FAM117B: variants seen among roughly 807,000 people sequenced by gnomAD.
FAM117B encodes the protein protein FAM117B.
FAM117B carries 22 observed loss-of-function variants against 52.8 expected under a neutral mutation model. The observed-to-expected ratio is 0.42, with a 90% CI of 0.30 to 0.59. FAM117B has a LOEUF of 0.59. FAM117B is among the 20% of genes least tolerant of loss of function. The pLI, the probability that FAM117B is intolerant of heterozygous loss-of-function variation, is 0.22. For missense variants in FAM117B, 678 were observed against 802.6 expected (o/e 0.84, Z 1.88); for synonymous variants, 309 against 324.1 (o/e 0.95, Z 0.50).
intron 4 of FAM117B, among the ~76,000 whole-genome samples, chr2:202,745,184 G>A (rs1217912439): frequency 6.7e-6 from 1 of 150,334 alleles, no homozygotes; most frequent in African/African-American, 2.5e-5. Flanking sequence ...GGTGGCTGAG[G>A]CATGAGAATC....
intron 3 of FAM117B, 69 bp from the exon 4 acceptor site, chr2:202,726,181 T>A: frequency 9.8e-7 from 1 of 1,015,842 alleles, no homozygotes; most frequent in Non-Finnish European, 1.5e-6. Flanking sequence ...CTGGTTCTTA[T>A]TAAGCAAGGA....
intron 2 of FAM117B, among the ~76,000 whole-genome samples, chr2:202,705,310 G>T (rs545596220): frequency 1.3e-3 from 175 of 138,932 alleles, no homozygotes; most frequent in Non-Finnish European, 2.1e-3. Flanking sequence ...TCATCTCAAA[G>T]AAAAAAAAAA....
chr2:202,680,697 T>G (rs965136622), intron 1 of FAM117B, among the ~76,000 whole-genome samples: 3 of 152,216 alleles, frequency 2.0e-5, no homozygotes, highest in African/African-American at 7.2e-5. Context: ...AATTTGGCAT[T>G]GTTAAAGTGC....
chr2:202,638,734 C>T (rs572629562), intron 1 of FAM117B, among the ~76,000 whole-genome samples: 6 of 152,190 alleles, frequency 3.9e-5, no homozygotes, highest in East Asian at 1.9e-4. Context: ...TTTGGGAGGC[C>T]GAGGCGGTGG....
intron 4 of FAM117B, among the ~76,000 whole-genome samples, chr2:202,734,303 C>G (rs1691406014): frequency 6.6e-6 from 1 of 152,158 alleles, no homozygotes; most frequent in East Asian, 1.9e-4. Context: ...GGGGGGATTA[C>G]TTGAGCCCAG....
chr2:202,649,913 G>A (rs2105755930), intron 1 of FAM117B, among the ~76,000 whole-genome samples: 1 of 152,210 alleles, frequency 6.6e-6, no homozygotes, highest in South Asian at 2.1e-4. Flanking sequence ...TGTTGCCCAG[G>A]CTGGAGTGCA....
chr2:202,687,678 TG>T (rs1690565761), intron 1 of FAM117B, among the ~76,000 whole-genome samples: 1 of 152,194 alleles, frequency 6.6e-6, no homozygotes, highest in Non-Finnish European at 1.5e-5. Flanking sequence ...CCCATAGCAT[TG>T]GGATTACAGG....
intron 1 of FAM117B, among the ~76,000 whole-genome samples, chr2:202,644,064 G>GTTTTTTTT (rs1161026426): frequency 4.4e-4 from 42 of 95,150 alleles, no homozygotes; most frequent in African/African-American, 1.6e-3. Flanking sequence ...TTTTTTTTTT[G>GTTTTTTTT]TTTTTTTTTT....
chr2:202,764,550 G>A (rs1691947612), intron 7 of FAM117B, among the ~76,000 whole-genome samples: 1 of 152,140 alleles, frequency 6.6e-6, no homozygotes, highest in Non-Finnish European at 1.5e-5. Flanking sequence ...AATTACAGGT[G>A]TGAACCACCA....
rs758796300 is a variant in FAM117B, at chr2:202,765,579, C to T, written c.1585C>T (p.Leu529Phe). Residue 529 changes from leucine (L) to phenylalanine (F), a missense_variant, in exon 8 of 8, where the codon CTC (leucine) becomes TTC (phenylalanine). Coordinates refer to ENST00000392238, the MANE Select transcript of FAM117B (RefSeq NM_173511.4). ...KPLLPTPDLT[L>F]KGSGHSLTVT... is the part of the protein sequence containing the mutation. ...ACTCCTTCCTACCCCGGATCTTACACTCAAGGGCTCTGGCCACAGCCTGAC... is the reference window on the plus strand; with the variant it reads ...ACTCCTTCCTACCCCGGATCTTACATTCAAGGGCTCTGGCCACAGCCTGAC... 2 of 1,614,170 alleles carry T rather than the reference C, an allele frequency of 1.2e-6. No individual in the cohort carries two copies. The highest frequency in any genetic ancestry group is 1.7e-5 in the Admixed American group (1 of 60,028).
At position 202,755,677 on chromosome 2, in the gene FAM117B, T is replaced by G. The variant is rs750404246; in HGVS notation, c.1100T>G (p.Leu367Arg). Residue 367 changes from leucine (L) to arginine (R), a missense_variant, in exon 5 of 8, where the codon CTT becomes CGT. Transcript: ENST00000392238. Reference sequence around the variant, plus strand: ...GAGACTGGGGAAAAGGAAGAGCAACTTATAGTAAGTGATCTTGTATCTTAA... The same window carrying G: ...GAGACTGGGGAAAAGGAAGAGCAACGTATAGTAAGTGATCTTGTATCTTAA... ...IKETGEKEEQ[L>R]IPQDIPDGHR... The G allele has an allele frequency of 6.8e-6, 11 of 1,612,080 alleles. 1 individual carries two copies. The Admixed American group carries it at 1.7e-4, about 25-fold the overall frequency.
intron 1 of FAM117B, among the ~76,000 whole-genome samples, chr2:202,691,270 G>A (rs1444406471): frequency 6.6e-6 from 1 of 152,022 alleles, no homozygotes; most frequent in East Asian, 1.9e-4. Flanking sequence ...ATAAAAATGA[G>A]CCAGGTGTTT....
chr2:202,669,344 G>T (rs1574548962), intron 1 of FAM117B, among the ~76,000 whole-genome samples: 1 of 152,158 alleles, frequency 6.6e-6, no homozygotes, highest in Admixed American at 6.5e-5. Flanking sequence ...TATGGTATCA[G>T]TGTGGGTGGG....
intron 1 of FAM117B, among the ~76,000 whole-genome samples, chr2:202,682,680 T>C (rs1690480474): frequency 6.6e-6 from 1 of 152,200 alleles, no homozygotes; most frequent in Non-Finnish European, 1.5e-5. Context: ...TCAGTAACTT[T>C]AAAGAGAGTG....
At chr2:202,730,969 T>C (rs1691335076) in intron 4 of FAM117B, among the ~76,000 whole-genome samples, 1 of 152,138 alleles carries the variant, frequency 6.6e-6, no homozygotes, top group Non-Finnish European at 1.5e-5. Flanking sequence ...ACCCACAGAA[T>C]AGGATAACCC....
intron 1 of FAM117B, among the ~76,000 whole-genome samples, chr2:202,658,330 A>T (rs192488840): frequency 6.6e-6 from 1 of 152,098 alleles, no homozygotes; most frequent in East Asian, 1.9e-4. Context: ...TTGAGACAGA[A>T]TCTCACTCTG....
At chr2:202,684,834 T>C (rs1344590886) in intron 1 of FAM117B, among the ~76,000 whole-genome samples, 1 of 152,218 alleles carries the variant, frequency 6.6e-6, no homozygotes, top group African/African-American at 2.4e-5. Context: ...AATATAACTG[T>C]ATTCCCTAGG....
At chr2:202,751,771 CAAAAAAAAAAAA>C (rs397868272) in intron 4 of FAM117B, among the ~76,000 whole-genome samples, 3 of 76,220 alleles carry the variant, frequency 3.9e-5, no homozygotes, top group Non-Finnish European at 7.3e-5. Flanking sequence ...GACTCCATCT[CAAAAAAAAAAAA>C]AAAAAAAAAA....
At chr2:202,665,808 C>G in intron 1 of FAM117B, among the ~76,000 whole-genome samples, 1 of 152,130 alleles carries the variant, frequency 6.6e-6, no homozygotes, top group East Asian at 1.9e-4. Context: ...ACCATGTTGA[C>G]CAGGCCGGTC....
Sources: gnomAD v4.1 joint callset for allele counts (sites outside exome capture counted in the v4.1 genomes callset) on GRCh38, gnomAD v4.1.1 for gene constraint, MANE v1.5 for transcripts, NCBI Gene and HGNC (gene_info 2026-07-23, HGNC 2026-07-21) for gene names.